The following PRMT2 variants were observed in gnomAD, a reference collection of about 807,000 sequenced individuals.
PRMT2 encodes the protein protein arginine methyltransferase 2, also known as protein arginine N-methyltransferase 2.
In PRMT2, 26 loss-of-function variants were observed where a neutral mutation model predicts 57.6. The observed-to-expected ratio is 0.45, with a 90% CI of 0.33 to 0.63. The LOEUF is 0.63. Ranked by LOEUF, PRMT2 falls within the 20% of genes least tolerant of loss-of-function variation. The pLI is 0.02. For synonymous variants in PRMT2, 219 were observed against 220.0 expected (o/e 1.00, Z 0.04); for missense variants, 472 against 564.4 (o/e 0.84, Z 1.66).
chr21:46,646,951 C>T (rs991682282), intron 5 of PRMT2, among the ~76,000 whole-genome samples: 5 of 152,140 alleles, frequency 3.3e-5, no homozygotes, highest in Admixed American at 1.3e-4. Context: ...GTGGTGAAGG[C>T]GGGAGGGCTG....
At chr21:46,636,264 T>A (rs2061169928) in intron 1 of PRMT2, 175 bp from the exon 2 acceptor site, 2 of 152,392 alleles carry the variant, frequency 1.3e-5, no homozygotes, top group Admixed American at 1.3e-4. Flanking sequence ...CGGCCTCCAC[T>A]CCGACCCCGT....
In PRMT2 at chr21:46,664,726, T is replaced by G; in HGVS notation, c.*399T>G. The G allele has an allele frequency of 4.0e-6, 1 of 247,848 alleles. No individual in the cohort carries two copies. Among genetic ancestry groups the G allele is most frequent in the Non-Finnish European group, 8.0e-6 (1 of 124,238 alleles). The allele number at this position is 247,848 out of a possible 1,614,324, so 15.4% of individuals were successfully genotyped here. A position where few individuals can be genotyped will look rare whatever the true frequency, so the allele number is the denominator to read the frequency against. ...CTGTCCCCACCTCCTATGTTAGTGG[T>G]GCCCTTACTGCCGTCGCTCATCCAC... On this transcript the variant is annotated 3_prime_UTR_variant, in exon 12 of 12. Coordinates refer to ENST00000355680, the MANE Select transcript of PRMT2 (RefSeq NM_206962.4).
At chr21:46,639,992 A>G (rs1380386869) in intron 3 of PRMT2, among the ~76,000 whole-genome samples, 2 of 152,136 alleles carry the variant, frequency 1.3e-5, no homozygotes, top group Admixed American at 6.5e-5. Context: ...AGGATTTTCT[A>G]TAATTCCATA....
At chr21:46,650,196 G>C (rs951254371) in intron 7 of PRMT2, among the ~76,000 whole-genome samples, 1 of 152,220 alleles carries the variant, frequency 6.6e-6, no homozygotes, top group African/African-American at 2.4e-5. Flanking sequence ...GTGGGTGGAA[G>C]TGGACTGTTT....
chr21:46,643,476 A>C (rs1209359037), intron 3 of PRMT2, 59 bp from the exon 4 acceptor site: 2 of 127,260 alleles, frequency 1.6e-5, no homozygotes, highest in Admixed American at 4.2e-4. Context: ...TAATATAGCC[A>C]AAAAAAAAAA....
intron 3 of PRMT2, among the ~76,000 whole-genome samples, chr21:46,638,665 A>AT (rs2061217448): frequency 6.6e-6 from 1 of 152,168 alleles, no homozygotes; most frequent in African/African-American, 2.4e-5. Flanking sequence ...TAGAAATGGT[A>AT]TTTTGTTATT....
chr21:46,657,589 A>G (rs1422053241), intron 7 of PRMT2: 1 of 152,202 alleles, frequency 6.6e-6, no homozygotes, highest in Non-Finnish European at 1.5e-5. Context: ...TTCCATTTGT[A>G]TGATATTCTC....
chr21:46,637,100 T>C, intron 3 of PRMT2, 110 bp downstream of exon 3: 1 of 1,130,090 alleles, frequency 8.8e-7, no homozygotes, highest in South Asian at 1.4e-5. Flanking sequence ...CCTTGGAAGG[T>C]GGCCACCGGC....
Position 46,649,784 on chromosome 21 carries a change from T to C in PRMT2, c.654+45T>C. The C allele has an allele frequency of 6.3e-7, 1 of 1,591,394 alleles. No homozygotes were observed. Among genetic ancestry groups the C allele is most frequent in the Non-Finnish European group, 8.6e-7 (1 of 1,168,452 alleles). On this transcript the variant is annotated intron_variant, in intron 7 of 11. Coordinates refer to ENST00000355680, the MANE Select transcript of PRMT2 (RefSeq NM_206962.4). The surrounding 1 kb of genome is among the most constrained non-coding windows in gnomAD (Gnocchi z 4.8). ...CAGCTGGGGGCCGGAGCTGGGGGGC[T>C]TCTGAGCACGGGCTCGGCTGGGCCA...
chr21:46,650,053 C>T (rs1331677672), intron 7 of PRMT2, among the ~76,000 whole-genome samples: 1 of 152,176 alleles, frequency 6.6e-6, no homozygotes, highest in Non-Finnish European at 1.5e-5. Flanking sequence ...TTCTTTAATG[C>T]CAGTAGGGCC....
At position 46,648,704 on chromosome 21, in the gene PRMT2, C is replaced by A. The variant is rs2061403042; in HGVS notation, c.489+85C>A. On this transcript the variant is annotated intron_variant, in intron 6 of 11. Coordinates refer to ENST00000355680, the MANE Select transcript of PRMT2 (RefSeq NM_206962.4). This position sits in a 1 kb window ranked among gnomAD's most constrained non-coding sequence, Gnocchi z 4.8. ...GGCCTCTGAGTGTGCTGACTTGTGA[C>A]CCTGAGCTGTTGGGGGCTCACCGGT... 4.6e-6 allele frequency: 7 copies of A among 1,527,042 alleles called. No individual in the cohort carries two copies. The highest frequency in any genetic ancestry group is 4.6e-4 in the Middle Eastern group (2 of 4,332). 94.6% of individuals were successfully genotyped at this position (1,527,042 alleles called of 1,614,324 possible).
At chr21:46,658,603 A>T in intron 7 of PRMT2, 142 bp from the exon 8 acceptor site, 1 of 1,424,820 alleles carries the variant, frequency 7.0e-7, no homozygotes, top group Admixed American at 2.7e-5. Context: ...GTTCTCTTGC[A>T]TGGTACACTG....
rs1047363640 is a variant in PRMT2, at chr21:46,661,716, G to A, written c.961-84G>A. The A allele has an allele frequency of 8.1e-6, 10 of 1,233,602 alleles. No homozygotes were observed. In the African/African-American group the frequency reaches 1.4e-4, roughly 17 times the overall value. 76.4% of individuals were successfully genotyped at this position (1,233,602 alleles called of 1,614,324 possible). A position where few individuals can be genotyped will look rare whatever the true frequency, so the allele number is the denominator to read the frequency against. The stretch of plus-strand genomic sequence containing the variant: ...TTCCTGACGCATTCAGCGTCTGCGC[G>A]GGGCGCGTGGAGGGGGCCGCCCCAA... On this transcript the variant is annotated intron_variant, in intron 9 of 11. Transcript: ENST00000355680.
At chr21:46,662,829 G>C (rs891402152) in intron 10 of PRMT2, among the ~76,000 whole-genome samples, 2 of 152,186 alleles carry the variant, frequency 1.3e-5, no homozygotes, top group South Asian at 4.1e-4. Context: ...CCCCAAATGT[G>C]ACAGTTGTCC....
chr21:46,645,103 TA>T (rs71187322), intron 5 of PRMT2, among the ~76,000 whole-genome samples: 63,248 of 147,770 alleles, frequency 0.43, 13,843 homozygotes, highest in South Asian at 0.6. Context: ...AAAAAAAAAT[TA>T]AAAAAAAATA....
In PRMT2 at chr21:46,664,523, G is replaced by A. The variant is rs73907586; in HGVS notation, c.*196G>A. The A allele has an allele frequency of 2.2e-3, 1,478 of 672,534 alleles. 20 individuals carry two copies. The African/African-American group carries it at 0.024, about 11-fold the overall frequency. 41.7% of individuals were successfully genotyped at this position (672,534 alleles called of 1,614,324 possible). A position where few individuals can be genotyped will look rare whatever the true frequency, so the allele number is the denominator to read the frequency against. ...ACGCTTGGGCTCGGCAGGAGCTGCC[G>A]TGGCCACCCCCGCTGCCCAGTGTCT... On this transcript the variant is annotated 3_prime_UTR_variant, in exon 12 of 12. Coordinates refer to ENST00000355680, the MANE Select transcript of PRMT2 (RefSeq NM_206962.4).
rs1361295129 is a variant in PRMT2, at chr21:46,636,921, C to T, written c.-31C>T. 9.4e-6 allele frequency: 15 copies of T among 1,600,818 alleles called. No homozygotes were observed. Among genetic ancestry groups the T allele is most frequent in the Non-Finnish European group, 1.3e-5 (15 of 1,173,906 alleles). ...AAATGGAAAAGAAAATGAAATAAATCAGCAGTTATGAGGCAGAGCCTAAGA... is the reference window on the plus strand; with the variant it reads ...AAATGGAAAAGAAAATGAAATAAATTAGCAGTTATGAGGCAGAGCCTAAGA... On this transcript the variant is annotated 5_prime_UTR_variant, in exon 3 of 12. Coordinates refer to ENST00000355680, the MANE Select transcript of PRMT2 (RefSeq NM_206962.4).
intron 7 of PRMT2, chr21:46,652,555 A>T: frequency 1.0e-6 from 1 of 985,466 alleles, no homozygotes; most frequent in Non-Finnish European, 1.2e-6. Flanking sequence ...TGACCTGGGA[A>T]GTTGGCTGAG....
intron 3 of PRMT2, 114 bp from the exon 4 acceptor site, chr21:46,643,421 T>TA: frequency 1.5e-6 from 2 of 1,351,060 alleles, no homozygotes; most frequent in Non-Finnish European, 9.5e-7. Flanking sequence ...GTATAATAAA[T>TA]ACTTGGACAC....
Sources: gnomAD v4.1 joint callset for allele counts (sites outside exome capture counted in the v4.1 genomes callset) on GRCh38, gnomAD v4.1.1 for gene constraint, Gnocchi (gnomAD v3.1) non-coding constraint, MANE v1.5 for transcripts, NCBI Gene and HGNC (gene_info 2026-07-23, HGNC 2026-07-21) for gene names.